SPTBN4: variants seen among roughly 807,000 people sequenced by gnomAD.
SPTBN4 encodes spectrin beta chain, non-erythrocytic 4.
In SPTBN4, 96 loss-of-function variants were observed where a neutral mutation model predicts 277.8. The ratio of observed to expected loss-of-function variants is 0.35; its 90% CI spans 0.29 to 0.41. SPTBN4 has a LOEUF of 0.41. Ranked by LOEUF, SPTBN4 falls within the 10% of genes least tolerant of loss-of-function variation. The pLI is 1.00. For missense variants in SPTBN4, 3,006 were observed against 3,595.7 expected, an observed-to-expected ratio of 0.84 and a Z score of 4.19; for synonymous variants, 1,481 against 1,580.3, an observed-to-expected ratio of 0.94 and a Z score of 1.49.
intron 13 of SPTBN4, 73 bp from the exon 14 acceptor site, chr19:40,512,533 A>G: frequency 4.2e-6 from 6 of 1,433,154 alleles, no homozygotes; most frequent in Non-Finnish European, 5.5e-6. Context: ...CAGGGTAGGT[A>G]GCCCGCACCA....
At chr19:40,569,786 G>C in intron 32 of SPTBN4, 60 bp downstream of exon 32, 1 of 1,526,228 alleles carries the variant, frequency 6.6e-7, no homozygotes, top group Non-Finnish European at 8.8e-7. Flanking sequence ...CAGGAGGCAG[G>C]ATCTCAGAAA....
chr19:40,471,106 C>T (rs769789502), intron 1 of SPTBN4, among the ~76,000 whole-genome samples: 49 of 151,886 alleles, frequency 3.2e-4, no homozygotes, highest in Non-Finnish European at 6.6e-4. Context: ...TGTGACACCA[C>T]GCCCAGCTAA....
At chr19:40,492,169 G>A (rs771560497) in intron 4 of SPTBN4, among the ~76,000 whole-genome samples, 2 of 152,120 alleles carry the variant, frequency 1.3e-5, no homozygotes, top group African/African-American at 2.4e-5. Context: ...GGGCAGGTGG[G>A]GAAGACACTC....
At chr19:40,494,862 C>A in intron 5 of SPTBN4, 35 bp from the exon 6 acceptor site, 1 of 1,598,086 alleles carries the variant, frequency 6.3e-7, no homozygotes, top group South Asian at 1.1e-5. Context: ...TAACTCTCCC[C>A]ATCTCTGCCT....
chr19:40,506,340 G>A lies in SPTBN4; in HGVS notation c.1770G>A (p.Arg590=), dbSNP rs1372100248. 3 of 1,613,958 alleles carry A rather than the reference G, an allele frequency of 1.9e-6. No homozygotes were observed. Among genetic ancestry groups the A allele is most frequent in the South Asian group, 1.1e-5 (1 of 91,070 alleles). ...GAGACATTGCCGCCCAGAGCGAGCG[G>A]GTGGAGGCTCTCAATGCCGCTGCCC... ...LEGDIAAQSE[R]VEALNAAALR... Residue 590 remains arginine, a synonymous_variant, in exon 13 of 36, where the codon CGG becomes CGA. Coordinates refer to ENST00000598249, the MANE Select transcript of SPTBN4 (RefSeq NM_020971.3).
chr19:40,497,537 C>T lies in SPTBN4; in HGVS notation c.717C>T (p.Tyr239=). 6.2e-7 allele frequency: 1 copy of T among 1,614,176 alleles called. No homozygotes were observed. The highest frequency in any genetic ancestry group is 8.5e-7 in the Non-Finnish European group (1 of 1,180,042). The change falls in exon 7 of 36, where the codon TAC becomes TAT. Residue 239 remains tyrosine (Y), a synonymous_variant. Transcript: ENST00000598249. ...FSKLTKSNAN[Y]NLQRAFRTAE... Reference sequence around the variant, plus strand: ...AACTCACCAAGTCCAATGCCAACTACAACCTGCAGAGAGCCTTCCGCACAG... The same window carrying T: ...AACTCACCAAGTCCAATGCCAACTATAACCTGCAGAGAGCCTTCCGCACAG...
chr19:40,474,321 CAA>C (rs67821315), intron 2 of SPTBN4, among the ~76,000 whole-genome samples: 30,105 of 151,620 alleles, frequency 0.2, 3,223 homozygotes, highest in Non-Finnish European at 0.23. Context: ...TTGGAGTTTC[CAA>C]TTAGAAATGT....
intron 2 of SPTBN4, among the ~76,000 whole-genome samples, chr19:40,486,596 C>T (rs747276329): frequency 1.3e-5 from 2 of 152,116 alleles, no homozygotes; most frequent in South Asian, 2.1e-4. Flanking sequence ...AGGTCTCAAA[C>T]TCCTGTACTC....
chr19:40,550,135 G>C (rs1235191324), intron 21 of SPTBN4, 103 bp from the exon 22 acceptor site: 1 of 896,010 alleles, frequency 1.1e-6, no homozygotes, highest in East Asian at 2.6e-5. Context: ...TGGGCTCTTA[G>C]GCAAGGAAGG....
chr19:40,549,340 TGCAGGAGCGCCGCCGCTTGCTGCTG>T lies in SPTBN4; in HGVS notation c.4514_4538del (p.Gln1505LeufsTer132). On this transcript the variant is annotated frameshift_variant, in exon 21 of 36. Coordinates refer to ENST00000598249, the MANE Select transcript of SPTBN4 (RefSeq NM_020971.3). LOFTEE classifies it high-confidence loss of function. ...CGCCTGGTGCGCCTGCTCGAGCCGT[TGCAGGAGCGCCGCCGCTTGCTGCTG>T]GCTTCCAAGGAGTTGCACCAGGTGG... 1 of 1,536,098 alleles carries T rather than the reference TGCAGGAGCGCCGCCGCTTGCTGCTG, an allele frequency of 6.5e-7. No individual in the cohort carries two copies. Among genetic ancestry groups the T allele is most frequent in the Non-Finnish European group, 8.7e-7 (1 of 1,145,184 alleles).
chr19:40,541,513 G>T (rs1009641531), intron 20 of SPTBN4, among the ~76,000 whole-genome samples: 4 of 152,210 alleles, frequency 2.6e-5, no homozygotes, highest in African/African-American at 7.2e-5. Context: ...ACAGGAGAGG[G>T]GTTGGCTGCC....
chr19:40,480,701 C>T (rs1176315624), intron 2 of SPTBN4, among the ~76,000 whole-genome samples: 1 of 152,060 alleles, frequency 6.6e-6, no homozygotes, highest in Non-Finnish European at 1.5e-5. Context: ...TGTGAATGTA[C>T]CACAGTGTGT....
chr19:40,515,186 A>G lies in SPTBN4; in HGVS notation c.2766-125A>G. 1.2e-6 allele frequency: 1 copy of G among 811,692 alleles called. No individual in the cohort carries two copies. The highest frequency in any genetic ancestry group is 1.7e-6 in the Non-Finnish European group (1 of 592,252). The allele number at this position is 811,692 out of a possible 1,614,324, so 50.3% of individuals were successfully genotyped here. On this transcript the variant is annotated intron_variant, in intron 14 of 35. Transcript: ENST00000598249. This position sits in a 1 kb window ranked among gnomAD's most constrained non-coding sequence, Gnocchi z 4.1. ...TAAAATAAGCAGCAAGTAGAAGAGA[A>G]GGAGCCCACAAAGGAGGCTGAAAAG... is the stretch of plus-strand genomic sequence containing the variant.
intron 25 of SPTBN4, 42 bp downstream of exon 25, chr19:40,556,330 A>G: frequency 6.4e-7 from 1 of 1,556,384 alleles, no homozygotes; most frequent in Non-Finnish European, 8.8e-7. Flanking sequence ...AGCTACCACT[A>G]AGGTTCTCTG....
At position 40,502,472 on chromosome 19, in the gene SPTBN4, C is replaced by T. The variant is rs1316670249; in HGVS notation, c.1168C>T (p.Pro390Ser). ...LRACNRRLFV[P>S]REGCGIWDID... is the part of the protein sequence containing the mutation. ...TGCCTGCAACCGTCGCCTCTTTGTGCCTCGGGAGGGCTGTGGCATCTGGGA... is the reference window on the plus strand; with the variant it reads ...TGCCTGCAACCGTCGCCTCTTTGTGTCTCGGGAGGGCTGTGGCATCTGGGA... Residue 390 changes from proline (P) to serine (S), a missense_variant, in exon 10 of 36, where the codon CCT becomes TCT. This residue lies in a region of SPTBN4 where 1,759 missense variants were observed against 2,061.5 expected (regional missense o/e 0.85). Transcript: ENST00000598249. This position sits in a 1 kb window ranked among gnomAD's most constrained non-coding sequence, Gnocchi z 4.9. 2 of 1,613,390 alleles carry T rather than the reference C, an allele frequency of 1.2e-6. No homozygotes were observed. The highest frequency in any genetic ancestry group is 2.2e-5 in the East Asian group (1 of 44,874).
intron 2 of SPTBN4, among the ~76,000 whole-genome samples, chr19:40,480,677 A>G (rs995082768): frequency 2.0e-5 from 3 of 152,058 alleles, no homozygotes; most frequent in Non-Finnish European, 4.4e-5. Context: ...TCCTTGCTGT[A>G]TAGTGTTGCG....
chr19:40,567,225 G>A (rs1009663958), intron 30 of SPTBN4: 1 of 433,826 alleles, frequency 2.3e-6, no homozygotes, highest in South Asian at 1.6e-5. Context: ...TTGAGCACTG[G>A]AGGTCAAGGC....
rs2080125388 is a variant in SPTBN4 at position 40,490,515 on chromosome 19, G to C, written c.495+267G>C. ...AACCCCATAAATTAGGTACTATTTA[G>C]TACCCCATTTTACCAGTGAGGAAAT... On this transcript the variant is annotated intron_variant, in intron 4 of 35. Transcript: ENST00000598249. This position sits in a 1 kb window ranked among gnomAD's most constrained non-coding sequence, Gnocchi z 4.3. Among the ~76,000 whole-genome samples the C allele has an allele frequency of 6.6e-6, 1 of 152,116 alleles. No individual in the cohort carries two copies. The highest frequency in any genetic ancestry group is 2.1e-4 in the South Asian group (1 of 4,824).
chr19:40,553,588 A>G (rs1304953537), intron 22 of SPTBN4, among the ~76,000 whole-genome samples: 3 of 152,116 alleles, frequency 2.0e-5, no homozygotes, highest in African/African-American at 4.8e-5. Flanking sequence ...TAAATAAGGT[A>G]CTCTGTAAGT....
Sources: gnomAD v4.1 joint callset for allele counts (sites outside exome capture counted in the v4.1 genomes callset) on GRCh38, gnomAD v4.1.1 for gene constraint, gnomAD v4.1.1 regional missense constraint, Gnocchi (gnomAD v3.1) non-coding constraint, MANE v1.5 for transcripts, NCBI Gene and HGNC (gene_info 2026-07-23, HGNC 2026-07-21) for gene names.